BMP2: variants seen among roughly 807,000 people sequenced by gnomAD.
BMP2 encodes the protein bone morphogenetic protein 2, also known as bone morphogenetic protein 2A.
Under a neutral mutation model 28.8 loss-of-function variants are expected in BMP2, and 2 were observed. That is an observed-to-expected ratio of 0.07 (90% CI 0.03 to 0.22). The LOEUF (loss-of-function observed/expected upper bound fraction) is 0.22, where lower values mean the gene tolerates loss of function less well. BMP2 is among the 10% of genes least tolerant of loss of function. The pLI is 1.00. For synonymous variants in BMP2, 218 were observed against 204.3 expected, an observed-to-expected ratio of 1.07 and a Z score of -0.57; for missense variants, 437 against 517.7, an observed-to-expected ratio of 0.84 and a Z score of 1.51.
Position 6,778,274 on chromosome 20 carries a change from G to A in BMP2, c.376G>A (p.Gly126Arg). The change falls in exon 3 of 3, where the codon GGG (glycine) becomes AGG (arginine). Residue 126 changes from glycine (G) to arginine (R), a missense_variant. By Grantham distance (125) the Gly-to-Arg change is moderately radical. Transcript: ENST00000378827. The surrounding 1 kb of genome is among the most constrained non-coding windows in gnomAD (Gnocchi z 5.0). ...ESLEELPETSGKTTRRFFFNL... is the reference protein window; with the variant it reads ...ESLEELPETSRKTTRRFFFNL... ...TTTGGAAGAACTACCAGAAACGAGT[G>A]GGAAAACAACCCGGAGATTCTTCTT... The A allele has an allele frequency of 6.3e-7, 1 of 1,599,934 alleles. No individual in the cohort carries two copies. The highest frequency in any genetic ancestry group is 8.5e-7 in the Non-Finnish European group (1 of 1,174,544).
Position 6,778,678 on chromosome 20 carries a change from A to G in BMP2, c.780A>G (p.Ile260Met). ...LHQDEHSWSQ[I>M]RPLLVTFGHD... ...AAGATGAACACAGCTGGTCACAGATAAGGCCATTGCTAGTAACTTTTGGCC... is the reference window on the plus strand; with the variant it reads ...AAGATGAACACAGCTGGTCACAGATGAGGCCATTGCTAGTAACTTTTGGCC... Residue 260 changes from isoleucine (I) to methionine (M), a missense_variant, in exon 3 of 3, where the codon ATA becomes ATG. Transcript: ENST00000378827. The surrounding 1 kb of genome is among the most constrained non-coding windows in gnomAD (Gnocchi z 5.0). The G allele has an allele frequency of 1.2e-6, 2 of 1,614,210 alleles. No homozygotes were observed. The highest frequency in any genetic ancestry group is 1.1e-5 in the South Asian group (1 of 91,074).
chr20:6,771,987 A>G (rs181864175), intron 2 of BMP2, among the ~76,000 whole-genome samples: 2 of 152,338 alleles, frequency 1.3e-5, no homozygotes, highest in Admixed American at 1.3e-4. Context: ...TGTAATAAGA[A>G]CAACTGTTTT....
At chr20:6,772,463 G>A (rs1986418804) in intron 2 of BMP2, among the ~76,000 whole-genome samples, 1 of 152,106 alleles carries the variant, frequency 6.6e-6, no homozygotes, top group African/African-American at 2.4e-5. Context: ...GATGGATATA[G>A]CACTTTTTTC....
Position 6,778,427 on chromosome 20 carries a change from A to C in BMP2, c.529A>C (p.Ile177Leu), listed in dbSNP as rs760111045. The change falls in exon 3 of 3, where the codon ATA (isoleucine) becomes CTA (leucine). Residue 177 changes from isoleucine to leucine, a missense_variant. By Grantham distance (5) the Ile-to-Leu change is conservative. Transcript: ENST00000378827. This position sits in a 1 kb window ranked among gnomAD's most constrained non-coding sequence, Gnocchi z 5.0. ...FHHRINIYEI[I>L]KPATANSKFP... The stretch of plus-strand genomic sequence containing the variant: ...TCACCGAATTAATATTTATGAAATC[A>C]TAAAACCTGCAACAGCCAACTCGAA... 5 of 1,614,134 alleles carry C rather than the reference A, an allele frequency of 3.1e-6. No homozygotes were observed. The highest frequency in any genetic ancestry group is 2.7e-5 in the African/African-American group (2 of 74,948).
rs951084983 is a variant in BMP2 at position 6,768,416 on chromosome 20, C to T, written c.-467C>T. On this transcript the variant is annotated 5_prime_UTR_variant, in exon 1 of 3. Transcript: ENST00000378827. Reference sequence around the variant, plus strand: ...CGCCCGACCCTCGACCCCCGAGTCCCGGAGCCGGCCCCGCGCGGGGCCACG... The same window carrying T: ...CGCCCGACCCTCGACCCCCGAGTCCTGGAGCCGGCCCCGCGCGGGGCCACG... 2.0e-5 allele frequency: 8 copies of T among 393,902 alleles called. No individual in the cohort carries two copies. The highest frequency in any genetic ancestry group is 3.6e-5 in the Non-Finnish European group (8 of 223,566). The allele number at this position is 393,902 out of a possible 1,614,324, so 24.4% of individuals were successfully genotyped here. A position where few individuals can be genotyped will look rare whatever the true frequency, so the allele number is the denominator to read the frequency against.
At chr20:6,772,919 C>A (rs919295296) in intron 2 of BMP2, among the ~76,000 whole-genome samples, 1 of 152,162 alleles carries the variant, frequency 6.6e-6, no homozygotes, top group African/African-American at 2.4e-5. Context: ...GCTACATAGA[C>A]CTTTGGAAAC....
At chr20:6,777,083 A>G (rs1284127020) in intron 2 of BMP2, among the ~76,000 whole-genome samples, 2 of 152,202 alleles carry the variant, frequency 1.3e-5, no homozygotes, top group Admixed American at 6.5e-5. Flanking sequence ...CTCATGGTAT[A>G]TACTACCAGT....
chr20:6,772,669 G>A (rs928972328), intron 2 of BMP2, among the ~76,000 whole-genome samples: 2 of 152,130 alleles, frequency 1.3e-5, no homozygotes, highest in African/African-American at 4.8e-5. Flanking sequence ...ATTACCTGTT[G>A]GGTTTTCTTT....
At chr20:6,770,603 A>G (rs1568547805) in intron 2 of BMP2, 131 bp downstream of exon 2, 1 of 892,546 alleles carries the variant, frequency 1.1e-6, no homozygotes, top group Non-Finnish European at 1.6e-6. Context: ...TTGCTTCTGT[A>G]CTATCGTTTC....
intron 2 of BMP2, among the ~76,000 whole-genome samples, chr20:6,773,352 C>A (rs902846068): frequency 3.9e-5 from 6 of 152,130 alleles, no homozygotes; most frequent in African/African-American, 1.4e-4. Flanking sequence ...CCCTAGTGGC[C>A]CCAGGTATTT....
rs1274978595 is a variant in BMP2 at position 6,778,225 on chromosome 20, G to T, written c.347-20G>T. ...TTCAGACTTTTCTTTTTTCTTCCCT[G>T]TTTTTCTCTATCAAATTAGAATCTT... On this transcript the variant is annotated intron_variant, in intron 2 of 2. Coordinates refer to ENST00000378827, the MANE Select transcript of BMP2 (RefSeq NM_001200.4). This position sits in a 1 kb window ranked among gnomAD's most constrained non-coding sequence, Gnocchi z 5.0. The T allele has an allele frequency of 1.3e-6, 2 of 1,556,802 alleles. No homozygotes were observed. The highest frequency in any genetic ancestry group is 2.1e-5 in the Admixed American group (1 of 47,114).
Position 6,767,931 on chromosome 20 carries a change from C to A in BMP2, c.-952C>A, listed in dbSNP as rs1047854722. On this transcript the variant is annotated 5_prime_UTR_variant, in exon 1 of 3. Coordinates refer to ENST00000378827, the MANE Select transcript of BMP2 (RefSeq NM_001200.4). ...GGCTGGAGCACCCGGCAGAGCGCGC[C>A]ACAGCGCCGTGGCCTCTGCTGCCCG... The A allele has an allele frequency of 2.0e-5, 8 of 390,842 alleles. No homozygotes were observed. Among genetic ancestry groups the A allele is most frequent in the Non-Finnish European group, 3.2e-5 (7 of 221,300 alleles). The allele number at this position is 390,842 out of a possible 1,614,324, so 24.2% of individuals were successfully genotyped here.
In BMP2 at chr20:6,779,204, G is replaced by T; in HGVS notation, c.*115G>T. On this transcript the variant is annotated 3_prime_UTR_variant, in exon 3 of 3. Transcript: ENST00000378827. ...TGACACTTTAATATTTCCCAATGAA[G>T]ACTTTATTTATGGAATGGAATGGAA... 1 of 396,584 alleles carries T rather than the reference G, an allele frequency of 2.5e-6. No homozygotes were observed. 24.6% of individuals were successfully genotyped at this position (396,584 alleles called of 1,614,324 possible).
At chr20:6,772,554 T>C (rs1370073189) in intron 2 of BMP2, among the ~76,000 whole-genome samples, 1 of 152,224 alleles carries the variant, frequency 6.6e-6, no homozygotes, top group Non-Finnish European at 1.5e-5. Flanking sequence ...AAAAAGTTTT[T>C]GGTAAACCAT....
Position 6,768,482 on chromosome 20 carries a change from A to T in BMP2, c.-401A>T, listed in dbSNP as rs1052753616. 1 of 392,152 alleles carries T rather than the reference A, an allele frequency of 2.6e-6. No individual in the cohort carries two copies. Among genetic ancestry groups the T allele is most frequent in the South Asian group, 1.4e-4 (1 of 6,928 alleles). 24.3% of individuals were successfully genotyped at this position (392,152 alleles called of 1,614,324 possible). A position where few individuals can be genotyped will look rare whatever the true frequency, so the allele number is the denominator to read the frequency against. On this transcript the variant is annotated 5_prime_UTR_variant, in exon 1 of 3. Transcript: ENST00000378827. ...GGTTCCTAAGGAGGACGACAGCACCAGCTTCTCCTTTCTCCCTTCCCTTCC... is the reference window on the plus strand; with the variant it reads ...GGTTCCTAAGGAGGACGACAGCACCTGCTTCTCCTTTCTCCCTTCCCTTCC...
In BMP2 at chr20:6,767,928, C is replaced by T; in HGVS notation, c.-955C>T. On this transcript the variant is annotated 5_prime_UTR_variant, in exon 1 of 3. Transcript: ENST00000378827. The stretch of plus-strand genomic sequence containing the variant: ...GCGGGCTGGAGCACCCGGCAGAGCG[C>T]GCCACAGCGCCGTGGCCTCTGCTGC... 5.1e-6 allele frequency: 2 copies of T among 389,672 alleles called. No homozygotes were observed. The highest frequency in any genetic ancestry group is 9.1e-6 in the Non-Finnish European group (2 of 220,466). The allele number at this position is 389,672 out of a possible 1,614,324, so 24.1% of individuals were successfully genotyped here.
intron 2 of BMP2, among the ~76,000 whole-genome samples, chr20:6,773,194 A>C (rs1986434123): frequency 6.6e-6 from 1 of 152,210 alleles, no homozygotes; most frequent in South Asian, 2.1e-4. Flanking sequence ...TTCCACAAAT[A>C]TAATTATTAT....
At position 6,768,208 on chromosome 20, in the gene BMP2, C is replaced by G. The variant is rs1455883131; in HGVS notation, c.-675C>G. ...CGCCGGAGAATGCGCCCGAGGACGA[C>G]GGGGCGCCAGAGCCGCGGTGCTTTC... On this transcript the variant is annotated 5_prime_UTR_variant, in exon 1 of 3. Coordinates refer to ENST00000378827, the MANE Select transcript of BMP2 (RefSeq NM_001200.4). 2 of 397,882 alleles carry G rather than the reference C, an allele frequency of 5.0e-6. No individual in the cohort carries two copies. Among genetic ancestry groups the G allele is most frequent in the Non-Finnish European group, 8.9e-6 (2 of 225,772 alleles). 24.6% of individuals were successfully genotyped at this position (397,882 alleles called of 1,614,324 possible). A position where few individuals can be genotyped will look rare whatever the true frequency, so the allele number is the denominator to read the frequency against.
rs750747484 is a variant in BMP2 at position 6,770,333 on chromosome 20, C to A, written c.207C>A (p.Pro69=). Reference sequence around the variant, plus strand: ...TCGGCCTGAAACAGAGACCCACCCCCAGCAGGGACGCCGTGGTGCCCCCCT... The same window carrying A: ...TCGGCCTGAAACAGAGACCCACCCCAAGCAGGGACGCCGTGGTGCCCCCCT... The part of the protein sequence containing the change: ...SMFGLKQRPT[P]SRDAVVPPYM... Residue 69 remains proline (P), a synonymous_variant, in exon 2 of 3, where the codon CCC becomes CCA. Transcript: ENST00000378827. The A allele has an allele frequency of 6.2e-7, 1 of 1,613,532 alleles. No individual in the cohort carries two copies. Among genetic ancestry groups the A allele is most frequent in the Non-Finnish European group, 8.5e-7 (1 of 1,179,956 alleles).
Sources: gnomAD v4.1 joint callset for allele counts (sites outside exome capture counted in the v4.1 genomes callset) on GRCh38, gnomAD v4.1.1 for gene constraint, Gnocchi (gnomAD v3.1) non-coding constraint, MANE v1.5 for transcripts, NCBI Gene and HGNC (gene_info 2026-07-23, HGNC 2026-07-21) for gene names.